The following CEBPZ variants were observed in gnomAD, a reference collection of about 807,000 sequenced individuals.
CEBPZ encodes CCAAT enhancer binding protein zeta.
A neutral mutation model predicts 104.5 loss-of-function variants in CEBPZ; 78 were observed. The ratio of observed to expected loss-of-function variants is 0.75; its 90% CI spans 0.62 to 0.90. The LOEUF (loss-of-function observed/expected upper bound fraction) is 0.90. Ranked by LOEUF, CEBPZ falls within the 40% of genes least tolerant of loss-of-function variation. The probability of loss-of-function intolerance (pLI) is 0.00; values close to 1 mark genes in which losing one functional copy is unlikely to be tolerated. For missense variants in CEBPZ, 1,439 were observed against 1,233.5 expected (o/e 1.17, Z -2.50); for synonymous variants, 470 against 427.0 (o/e 1.10, Z -1.24).
At position 37,201,614 on chromosome 2, in the gene CEBPZ, TATAA is replaced by T. The variant is rs1369997143; in HGVS notation, c.*146_*149del. On this transcript the variant is annotated 3_prime_UTR_variant, in exon 16 of 16. Coordinates refer to ENST00000234170, the MANE Select transcript of CEBPZ (RefSeq NM_005760.3). ...TTTTAACAATGCTTCCACATGACTT[TATAA>T]ATGAGAGCTATTTTTATTTATAGTT... 4.3e-6 allele frequency: 3 copies of T among 692,868 alleles called. No individual in the cohort carries two copies. Among genetic ancestry groups the T allele is most frequent in the Middle Eastern group, 2.8e-4 (1 of 3,600 alleles). The allele number at this position is 692,868 out of a possible 1,614,324, so 42.9% of individuals were successfully genotyped here. A position where few individuals can be genotyped will look rare whatever the true frequency, so the allele number is the denominator to read the frequency against.
chr2:37,206,602 C>T (rs113686817), intron 13 of CEBPZ, among the ~76,000 whole-genome samples: 2 of 152,140 alleles, frequency 1.3e-5, no homozygotes, highest in South Asian at 2.1e-4. Flanking sequence ...AGGTGATGCC[C>T]GCCTGGGCCT....
intron 13 of CEBPZ, chr2:37,209,447 C>A (rs145265976): frequency 1.3e-5 from 2 of 152,086 alleles, no homozygotes; most frequent in Non-Finnish European, 2.9e-5. Flanking sequence ...AAAACAGGCA[C>A]GTAGACCAAT....
chr2:37,231,540 A>G lies in CEBPZ; in HGVS notation c.28T>C (p.Phe10Leu), dbSNP rs1665107295. Residue 10 changes from phenylalanine (F) to leucine (L), a missense_variant, in exon 1 of 16, where the codon TTC (phenylalanine) becomes CTC (leucine). By Grantham distance (22) the Phe-to-Leu change is conservative. Coordinates refer to ENST00000234170, the MANE Select transcript of CEBPZ (RefSeq NM_005760.3). ...GGGCGCCAAGGCCGCTTGGCATGGA[A>G]CTCCAAAGGCTCCTTGACTGCGGCC... MAAVKEPLE[F>L]HAKRPWRPEE... 6.2e-7 allele frequency: 1 copy of G among 1,614,114 alleles called. No homozygotes were observed. The highest frequency in any genetic ancestry group is 1.1e-5 in the South Asian group (1 of 91,070).
rs759740313 is a variant in CEBPZ at position 37,222,538 on chromosome 2, A to G, written c.1907T>C (p.Ile636Thr). The G allele has an allele frequency of 8.2e-6, 13 of 1,588,032 alleles. No individual in the cohort carries two copies. In the East Asian group the frequency reaches 2.9e-4, roughly 36 times the overall value. ...CATGTCTTCATCATCATTTGCATCA[A>G]TAAAATTTTCTTCATCATCAGACTC... ...HPESDDEENF[I>T]DANDDEDMEK... Residue 636 changes from isoleucine to threonine, a missense_variant, in exon 4 of 16, where the codon ATT (isoleucine) becomes ACT (threonine). Transcript: ENST00000234170.
intron 2 of CEBPZ, among the ~76,000 whole-genome samples, chr2:37,224,946 G>A (rs1664847838): frequency 6.6e-6 from 1 of 152,050 alleles, no homozygotes; most frequent in African/African-American, 2.4e-5. Context: ...AATAGAGACA[G>A]AAAAATGTTT....
Position 37,227,933 on chromosome 2 carries a change from C to A in CEBPZ, c.1260G>T (p.Val420=), listed in dbSNP as rs753627763. 3.7e-6 allele frequency: 6 copies of A among 1,614,068 alleles called. No individual in the cohort carries two copies. The East Asian group carries it at 8.9e-5, about 24-fold the overall frequency. Residue 420 remains valine, a synonymous_variant, in exon 2 of 16, where the codon GTG becomes GTT. Transcript: ENST00000234170. ...LCKHPNMKGV[V]SGEVERLLFR... is the part of the protein sequence containing the mutation. Reference sequence around the variant, plus strand: ...AGAGTAGCCTTTCTACTTCACCAGACACAACTCCTTTCATATTGGGATGTT... The same window carrying A: ...AGAGTAGCCTTTCTACTTCACCAGAAACAACTCCTTTCATATTGGGATGTT...
chr2:37,207,239 G>C (rs540572277), intron 13 of CEBPZ, among the ~76,000 whole-genome samples: 1 of 152,244 alleles, frequency 6.6e-6, no homozygotes, highest in Admixed American at 6.5e-5. Flanking sequence ...GCCCTAGACG[G>C]GTCATCAAGA....
intron 9 of CEBPZ, among the ~76,000 whole-genome samples, 156 bp from the exon 10 acceptor site, chr2:37,214,117 A>G (rs574882993): frequency 3.3e-5 from 5 of 152,358 alleles, no homozygotes; most frequent in African/African-American, 1.2e-4. Context: ...TAATATACAA[A>G]AAATAGTTTA....
At chr2:37,229,062 T>C in intron 1 of CEBPZ, 26 bp from the exon 2 acceptor site, 2 of 1,450,424 alleles carry the variant, frequency 1.4e-6, no homozygotes, top group Non-Finnish European at 1.8e-6. Context: ...AAGTTAAAAA[T>C]ACATTACAAA....
At position 37,208,191 on chromosome 2, in the gene CEBPZ, A is replaced by G. The variant is rs540512144; in HGVS notation, c.2884+2808T>C. Among the ~76,000 whole-genome samples, 69 of 152,332 alleles carry G rather than the reference A, an allele frequency of 4.5e-4. No individual in the cohort carries two copies. In the South Asian group the frequency reaches 0.014, roughly 31 times the overall value. ...CCAACAAAACAAAGTCCAGGACCAG[A>G]TGGATTCACAGCTGAATTCTATCAG... is the stretch of plus-strand genomic sequence containing the variant. On this transcript the variant is annotated intron_variant, in intron 13 of 15. Transcript: ENST00000234170.
At chr2:37,214,193 C>A (rs984530976) in intron 9 of CEBPZ, among the ~76,000 whole-genome samples, 2 of 152,090 alleles carry the variant, frequency 1.3e-5, no homozygotes, top group Non-Finnish European at 2.9e-5. Context: ...TTTATCAGCC[C>A]TATTCTTATA....
At chr2:37,207,126 T>TA (rs2148340978) in intron 13 of CEBPZ, among the ~76,000 whole-genome samples, 1 of 152,266 alleles carries the variant, frequency 6.6e-6, no homozygotes, top group Admixed American at 6.5e-5. Context: ...TATATGCACC[T>TA]ACCACCAGAG....
At chr2:37,222,100 A>G (rs1664782934) in intron 4 of CEBPZ, among the ~76,000 whole-genome samples, 1 of 152,120 alleles carries the variant, frequency 6.6e-6, no homozygotes. Flanking sequence ...CCTGGCGAAC[A>G]TGGTGAAACT....
At chr2:37,229,088 C>A in intron 1 of CEBPZ, 52 bp from the exon 2 acceptor site, 1 of 1,337,106 alleles carries the variant, frequency 7.5e-7, no homozygotes, top group Non-Finnish European at 9.8e-7. Flanking sequence ...AAAATAAAAC[C>A]ATAAAATAAT....
At chr2:37,223,110 A>C (rs940704058) in intron 3 of CEBPZ, 60 bp downstream of exon 3, 2 of 1,412,698 alleles carry the variant, frequency 1.4e-6, no homozygotes, top group Admixed American at 1.9e-5. Context: ...AAAGAAAAAC[A>C]AAACAAAAAC....
In CEBPZ at chr2:37,231,378, C is replaced by A. The variant is rs1665093993; in HGVS notation, c.156+34G>T. 1.9e-6 allele frequency: 3 copies of A among 1,612,952 alleles called. No individual in the cohort carries two copies. The East Asian group carries it at 6.7e-5, about 36-fold the overall frequency. ...CTAGCCACCTTCGGAACTCTCCACG[C>A]CTGATCCCGTTCCCCGGAGCCCGCG... On this transcript the variant is annotated intron_variant, in intron 1 of 15. Transcript: ENST00000234170.
rs1230564707 is a variant in CEBPZ at position 37,229,121 on chromosome 2, A to C, written c.157-85T>G. 7 of 1,212,420 alleles carry C rather than the reference A, an allele frequency of 5.8e-6. No homozygotes were observed. In the Admixed American group the frequency reaches 1.1e-4, roughly 18 times the overall value. The allele number at this position is 1,212,420 out of a possible 1,614,324, so 75.1% of individuals were successfully genotyped here. ...AATAGGAAACACAACATAATTTTAA[A>C]AATAATTTCGGAACTGGAAAAATCC... On this transcript the variant is annotated intron_variant, in intron 1 of 15. Coordinates refer to ENST00000234170, the MANE Select transcript of CEBPZ (RefSeq NM_005760.3).
chr2:37,230,238 T>C (rs1665018809), intron 1 of CEBPZ, among the ~76,000 whole-genome samples: 1 of 152,298 alleles, frequency 6.6e-6, no homozygotes, highest in Non-Finnish European at 1.5e-5. Flanking sequence ...AATGTAGAGA[T>C]AGGTGTATAT....
At chr2:37,203,049 T>A in intron 13 of CEBPZ, 41 bp from the exon 14 acceptor site, 2 of 1,323,632 alleles carry the variant, frequency 1.5e-6, no homozygotes, top group Non-Finnish European at 2.1e-6. Flanking sequence ...ATTATAAATC[T>A]AATGATTTTA....
Sources: gnomAD v4.1 joint callset for allele counts (sites outside exome capture counted in the v4.1 genomes callset) on GRCh38, gnomAD v4.1.1 for gene constraint, MANE v1.5 for transcripts, NCBI Gene and HGNC (gene_info 2026-07-23, HGNC 2026-07-21) for gene names.